Variants in YWHAQ observed in about 807,000 individuals in gnomAD.
YWHAQ encodes the protein tyrosine 3-monooxygenase/tryptophan 5-monooxygenase activation protein theta, also known as 14-3-3 protein theta.
In YWHAQ, 6 loss-of-function variants were observed where a neutral mutation model predicts 28.3. The ratio of observed to expected loss-of-function variants is 0.21; its 90% confidence interval spans 0.12 to 0.42. The LOEUF (loss-of-function observed/expected upper bound fraction) is 0.42, where lower values mean the gene tolerates loss of function less well. Among genes scored for constraint, YWHAQ ranks in the 10% least tolerant of loss-of-function variants. YWHAQ has a pLI of 1.00. For synonymous variants in YWHAQ, 143 were observed against 119.1 expected (o/e 1.20, Z -1.31); for missense variants, 201 against 305.6 (o/e 0.66, Z 2.55).
intron 2 of YWHAQ, among the ~76,000 whole-genome samples, chr2:9,603,454 T>A (rs1281216859): frequency 6.6e-6 from 1 of 151,462 alleles, no homozygotes; most frequent in Non-Finnish European, 1.5e-5. Context: ...AATTTTTTTT[T>A]AGAAGAGACG....
chr2:9,592,436 C>G (rs977459457), intron 2 of YWHAQ, among the ~76,000 whole-genome samples: 13 of 151,876 alleles, frequency 8.6e-5, no homozygotes, highest in Non-Finnish European at 1.3e-4. Context: ...ATTTAAAAAC[C>G]TTTTTAGGGC....
intron 2 of YWHAQ, among the ~76,000 whole-genome samples, chr2:9,607,671 T>C (rs959533133): frequency 4.0e-5 from 6 of 151,682 alleles, no homozygotes; most frequent in Non-Finnish European, 8.8e-5. Context: ...CCTGACCATA[T>C]GAAATGGTAA....
At position 9,585,281 on chromosome 2, in the gene YWHAQ, T is replaced by A; in HGVS notation, c.*5A>T. 5 of 1,614,108 alleles carry A rather than the reference T, an allele frequency of 3.1e-6. No homozygotes were observed. Among genetic ancestry groups the A allele is most frequent in the Non-Finnish European group, 4.2e-6 (5 of 1,179,984 alleles). ...AAGGAAAGAAGGATGACACCCTGTA[T>A]GGATTTAGTTTTCAGCCCCTTCTGC... On this transcript the variant is annotated 3_prime_UTR_variant, in exon 6 of 6. Transcript: ENST00000238081.
Position 9,601,035 on chromosome 2 carries a change from CT to C in YWHAQ, c.295-9521del, listed in dbSNP as rs1180532233. 2.6e-5 allele frequency among the ~76,000 whole-genome samples: 4 copies of C among 152,308 alleles called. No homozygotes were observed. In the East Asian group the frequency reaches 7.7e-4, roughly 29 times the overall value. The stretch of plus-strand genomic sequence containing the variant: ...GGGAACCAAAAATTTCTGTGACTTG[CT>C]TTATTGAGATAATTCACTCAATTGT... On this transcript the variant is annotated intron_variant, in intron 2 of 5. Transcript: ENST00000238081.
chr2:9,611,682 T>C (rs1443052843), intron 2 of YWHAQ, among the ~76,000 whole-genome samples: 1 of 152,200 alleles, frequency 6.6e-6, no homozygotes, highest in Non-Finnish European at 1.5e-5. Flanking sequence ...CTATACTCTT[T>C]TTTTGAGGCT....
chr2:9,589,915 C>G (rs1263570234), intron 3 of YWHAQ, among the ~76,000 whole-genome samples: 2 of 152,182 alleles, frequency 1.3e-5, no homozygotes, highest in African/African-American at 4.8e-5. Flanking sequence ...TTTAGAGATA[C>G]TGACGTAAGA....
intron 2 of YWHAQ, among the ~76,000 whole-genome samples, chr2:9,620,114 C>A (rs1285697724): frequency 6.6e-6 from 1 of 152,196 alleles, no homozygotes; most frequent in Non-Finnish European, 1.5e-5. Context: ...ATGACGTTCA[C>A]AATCTATGAC....
rs1402856031 is a variant in YWHAQ at position 9,584,105 on chromosome 2, T to C, written c.*1181A>G. ...AGAAATGCAGTCCAATTTTATACAC[T>C]TCCAGGCATCCCTAGACAAGTGTGT... On this transcript the variant is annotated 3_prime_UTR_variant, in exon 6 of 6. Transcript: ENST00000238081. 2.6e-5 allele frequency: 4 copies of C among 152,598 alleles called. No homozygotes were observed. Among genetic ancestry groups the C allele is most frequent in the Non-Finnish European group, 4.4e-5 (3 of 68,048 alleles). 9.5% of individuals were successfully genotyped at this position (152,598 alleles called of 1,614,324 possible). A position where few individuals can be genotyped will look rare whatever the true frequency, so the allele number is the denominator to read the frequency against.
intron 3 of YWHAQ, among the ~76,000 whole-genome samples, chr2:9,590,261 G>A (rs1049687262): frequency 4.6e-5 from 7 of 152,128 alleles, no homozygotes; most frequent in South Asian, 2.1e-4. Context: ...TTCCGTGCCC[G>A]TATCATGTCC....
rs115666054 is a variant in YWHAQ at position 9,620,944 on chromosome 2, G to A, written c.294+9215C>T. 9.9e-3 allele frequency among the ~76,000 whole-genome samples: 1,511 copies of A among 152,144 alleles called. 29 individuals carry two copies. The highest frequency in any genetic ancestry group is 0.034 in the African/African-American group (1,405 of 41,496). The stretch of plus-strand genomic sequence containing the variant: ...AACTTCAGTAATTAAATTCTCATAG[G>A]GCAAAGTATAGTCTGGGAACCCCTA... On this transcript the variant is annotated intron_variant, in intron 2 of 5. Coordinates refer to ENST00000238081, the MANE Select transcript of YWHAQ (RefSeq NM_006826.4).
rs539100677 is a variant in YWHAQ at position 9,617,972 on chromosome 2, T to C, written c.294+12187A>G. On this transcript the variant is annotated intron_variant, in intron 2 of 5. Transcript: ENST00000238081. ...ATGCAAGCTACAACACAAATAAACC[T>C]TGAGGGCATTAGGCTAAGTGAAAGA... Among the ~76,000 whole-genome samples the C allele has an allele frequency of 1.3e-5, 2 of 151,532 alleles. 1 individual carries two copies. Among genetic ancestry groups the C allele is most frequent in the South Asian group, 4.2e-4 (2 of 4,794 alleles).
chr2:9,618,459 T>C (rs1667076919), intron 2 of YWHAQ, among the ~76,000 whole-genome samples: 3 of 152,202 alleles, frequency 2.0e-5, no homozygotes, highest in Non-Finnish European at 2.9e-5. Flanking sequence ...GTAGCAATCA[T>C]CACTATGACT....
At chr2:9,602,846 AAAAAAAAAAAAAAAAAATATATATAT>A (rs1303185328) in intron 2 of YWHAQ, among the ~76,000 whole-genome samples, 29 of 41,738 alleles carry the variant, frequency 6.9e-4, no homozygotes, top group Non-Finnish European at 8.4e-4. Context: ...AAAAAAAAAA[AAAAAAAAAAAAAAAAAATATATATAT>A]ATATATATAT....
In YWHAQ at chr2:9,603,634, T is replaced by A. The variant is rs538608350; in HGVS notation, c.295-12119A>T. Reference sequence around the variant, plus strand: ...TTAATTCTGTATGTTATTAAAACCATAAAATAGGCCAGGCATGGTGGCTCA... The same window carrying A: ...TTAATTCTGTATGTTATTAAAACCAAAAAATAGGCCAGGCATGGTGGCTCA... On this transcript the variant is annotated intron_variant, in intron 2 of 5. Transcript: ENST00000238081. Among the ~76,000 whole-genome samples, 17 of 151,290 alleles carry A rather than the reference T, an allele frequency of 1.1e-4. No homozygotes were observed. The South Asian group carries it at 3.6e-3, about 32-fold the overall frequency.
intron 5 of YWHAQ, among the ~76,000 whole-genome samples, chr2:9,586,730 C>A (rs1187610010): frequency 6.6e-6 from 1 of 152,118 alleles, no homozygotes; most frequent in Non-Finnish European, 1.5e-5. Context: ...TGATAAAGCA[C>A]CAAACTAGGG....
chr2:9,630,439 TCAGTC>T lies in YWHAQ; in HGVS notation c.9_13del (p.Thr4AlafsTer59). ...GGCCAGCTTGGCCTTCTGGATCAGC[TCAGTC>T]TTCTCCATGGCGGGCGCGGGGCCGG... On this transcript the variant is annotated frameshift_variant, in exon 2 of 6. Transcript: ENST00000238081. LOFTEE classifies it high-confidence loss of function. The surrounding 1 kb of genome is among the most constrained non-coding windows in gnomAD (Gnocchi z 5.6). 1 of 1,609,102 alleles carries T rather than the reference TCAGTC, an allele frequency of 6.2e-7. No homozygotes were observed.
intron 2 of YWHAQ, among the ~76,000 whole-genome samples, chr2:9,610,132 A>G (rs1183171440): frequency 1.3e-5 from 2 of 152,176 alleles, no homozygotes; most frequent in Non-Finnish European, 2.9e-5. Flanking sequence ...TGAAGTATTG[A>G]TTATTTGCTC....
intron 2 of YWHAQ, among the ~76,000 whole-genome samples, chr2:9,623,435 G>A (rs1004767097): frequency 3.3e-5 from 5 of 152,176 alleles, no homozygotes; most frequent in Non-Finnish European, 7.3e-5. Flanking sequence ...CTTCCCAGGG[G>A]TTGTTTGGAG....
chr2:9,626,585 C>T (rs560081544), intron 2 of YWHAQ, among the ~76,000 whole-genome samples: 2 of 152,220 alleles, frequency 1.3e-5, no homozygotes, highest in Non-Finnish European at 2.9e-5. Flanking sequence ...TGTGCCACCA[C>T]GCCTGGCTAA....
Sources: gnomAD v4.1 joint callset for allele counts (sites outside exome capture counted in the v4.1 genomes callset) on GRCh38, gnomAD v4.1.1 for gene constraint, Gnocchi (gnomAD v3.1) non-coding constraint, MANE v1.5 for transcripts, NCBI Gene and HGNC (gene_info 2026-07-23, HGNC 2026-07-21) for gene names.